LRCH4: variants seen among roughly 807,000 people sequenced by gnomAD.
LRCH4 encodes the protein leucine rich repeats and calponin homology domain containing 4.
LRCH4 carries 56 observed loss-of-function variants against 81.2 expected under a neutral mutation model. The ratio of observed to expected loss-of-function variants is 0.69; its 90% confidence interval spans 0.56 to 0.86. LRCH4 has a LOEUF of 0.86. LRCH4 is among the 40% of genes least tolerant of loss of function. The probability of loss-of-function intolerance (pLI) is 0.00; values close to 1 mark genes in which losing one functional copy is unlikely to be tolerated. For synonymous variants in LRCH4, 442 were observed against 409.7 expected (o/e 1.08, Z -0.95); for missense variants, 895 against 922.8 (o/e 0.97, Z 0.39).
Position 100,574,218 on chromosome 7 carries a change from G to T in LRCH4, c.*889C>A. On this transcript the variant is annotated 3_prime_UTR_variant, in exon 18 of 18. Transcript: ENST00000310300. The stretch of plus-strand genomic sequence containing the variant: ...GCGCGTCTTCTGCTCCCGGGGTCCC[G>T]GGCGGGGTGGGCCCTGTGCCCCCAC... 1 of 176,462 alleles carries T rather than the reference G, an allele frequency of 5.7e-6. No individual in the cohort carries two copies. Among genetic ancestry groups the T allele is most frequent in the South Asian group, 7.8e-5 (1 of 12,804 alleles). The allele number at this position is 176,462 out of a possible 1,614,324, so 10.9% of individuals were successfully genotyped here.
intron 3 of LRCH4, 50 bp downstream of exon 3, chr7:100,581,991 C>A: frequency 1.2e-6 from 2 of 1,600,358 alleles, no homozygotes; most frequent in Middle Eastern, 2.2e-4. Context: ...CCTAGAAGGT[C>A]CCGCTGCCTG....
At position 100,577,002 on chromosome 7, in the gene LRCH4, G is replaced by A. The variant is rs994361693; in HGVS notation, c.1368C>T (p.Gly456=). ...AAVSTQAMHN[G]SPKSSASQAG... The stretch of plus-strand genomic sequence containing the variant: ...CTTGGGAGGCACTGGACTTAGGCGA[G>A]CCGCTGAGGAGAGACAGAAGGGAAT... Residue 456 remains glycine (G), a synonymous_variant, in exon 13 of 18, where the codon GGC becomes GGT. Coordinates refer to ENST00000310300, the MANE Select transcript of LRCH4 (RefSeq NM_002319.5). This position sits in a 1 kb window ranked among gnomAD's most constrained non-coding sequence, Gnocchi z 6.7. 3.1e-6 allele frequency: 5 copies of A among 1,611,990 alleles called. No individual in the cohort carries two copies. The highest frequency in any genetic ancestry group is 1.3e-5 in the African/African-American group (1 of 74,894).
Position 100,578,664 on chromosome 7 carries a change from T to G in LRCH4, c.721A>C (p.Ser241Arg), listed in dbSNP as rs748777489. 1 of 1,613,956 alleles carries G rather than the reference T, an allele frequency of 6.2e-7. No homozygotes were observed. The highest frequency in any genetic ancestry group is 8.5e-7 in the Non-Finnish European group (1 of 1,179,900). The change falls in exon 5 of 18, where the codon AGT becomes CGT. Residue 241 changes from serine (S) to arginine (R), a missense_variant. Ser to Arg is a moderately radical substitution (Grantham distance 110). Coordinates refer to ENST00000310300, the MANE Select transcript of LRCH4 (RefSeq NM_002319.5). The surrounding 1 kb of genome is among the most constrained non-coding windows in gnomAD (Gnocchi z 5.7). ...VILLDSNPLQ[S>R]PPAQVCLKGK... ...ACCCGCCTCACCTGGGCAGGTGGACTCTGCAGAGGGTTGCTGTCCAGCAGA... is the reference window on the plus strand; with the variant it reads ...ACCCGCCTCACCTGGGCAGGTGGACGCTGCAGAGGGTTGCTGTCCAGCAGA...
chr7:100,581,534 G>A, intron 4 of LRCH4: 1 of 448,070 alleles, frequency 2.2e-6, no homozygotes. Flanking sequence ...GCCCCAGAGG[G>A]CTGTCTCTGC....
Position 100,574,962 on chromosome 7 carries a change from T to G in LRCH4, c.*145A>C. 3 of 744,986 alleles carry G rather than the reference T, an allele frequency of 4.0e-6. No homozygotes were observed. Among genetic ancestry groups the G allele is most frequent in the Non-Finnish European group, 6.4e-6 (3 of 470,560 alleles). The allele number at this position is 744,986 out of a possible 1,614,324, so 46.1% of individuals were successfully genotyped here. A position where few individuals can be genotyped will look rare whatever the true frequency, so the allele number is the denominator to read the frequency against. On this transcript the variant is annotated 3_prime_UTR_variant, in exon 18 of 18. Transcript: ENST00000310300. ...GGCCCAGGGTCTGGGGGCACCAGAG[T>G]GGGGCCTCTGAGGTCAGTGTCTGTG... is the stretch of plus-strand genomic sequence containing the variant.
Position 100,577,066 on chromosome 7 carries a change from GATGCTGGCAGGA to G in LRCH4, c.1364+8_1364+19del. The G allele has an allele frequency of 6.2e-7, 1 of 1,614,148 alleles. No homozygotes were observed. Among genetic ancestry groups the G allele is most frequent in the Non-Finnish European group, 8.5e-7 (1 of 1,180,008 alleles). ...GTCATAGGAAGAGGAGTGGGGAGGG[GATGCTGGCAGGA>G]AACCTACTTGTGCATGGCTTGAGTG... On this transcript the variant is annotated splice_region_variant and intron_variant, in intron 12 of 17. Coordinates refer to ENST00000310300, the MANE Select transcript of LRCH4 (RefSeq NM_002319.5). The surrounding 1 kb of genome is among the most constrained non-coding windows in gnomAD (Gnocchi z 6.7).
intron 14 of LRCH4, 30 bp from the exon 15 acceptor site, chr7:100,576,353 C>G: frequency 6.6e-7 from 1 of 1,510,302 alleles, no homozygotes; most frequent in Non-Finnish European, 9.2e-7. Context: ...ATGGGGCTGC[C>G]TCCACTGCTC....
chr7:100,578,643 G>C lies in LRCH4; in HGVS notation c.735+7C>G. The stretch of plus-strand genomic sequence containing the variant: ...TGTCCTCGTGGCCCCCCAGGCACCC[G>C]CCTCACCTGGGCAGGTGGACTCTGC... On this transcript the variant is annotated splice_region_variant and intron_variant, in intron 5 of 17. Transcript: ENST00000310300. This position sits in a 1 kb window ranked among gnomAD's most constrained non-coding sequence, Gnocchi z 5.7. 1 of 1,612,584 alleles carries C rather than the reference G, an allele frequency of 6.2e-7. No individual in the cohort carries two copies. The highest frequency in any genetic ancestry group is 8.5e-7 in the Non-Finnish European group (1 of 1,179,036).
rs750173842 is a variant in LRCH4 at position 100,576,335 on chromosome 7, AG to A, written c.1553-13del. On this transcript the variant is annotated splice_polypyrimidine_tract_variant and intron_variant, in intron 14 of 17. Coordinates refer to ENST00000310300, the MANE Select transcript of LRCH4 (RefSeq NM_002319.5). ...TGGTGAGGAAGGGCCTAGGAGAAAA[AG>A]GGGGGCATGGGGCTGCCTCCACTGC... 5.0e-6 allele frequency: 8 copies of A among 1,605,830 alleles called. No homozygotes were observed. Among genetic ancestry groups the A allele is most frequent in the African/African-American group, 1.3e-5 (1 of 74,820 alleles).
chr7:100,584,081 C>T, intron 1 of LRCH4: 1 of 452,012 alleles, frequency 2.2e-6, no homozygotes, highest in Non-Finnish European at 4.5e-6. Flanking sequence ...GACTAGGCGA[C>T]ACGCAGCGAA....
intron 4 of LRCH4, chr7:100,579,133 A>G (rs1477105589): frequency 3.1e-6 from 1 of 317,998 alleles, no homozygotes; most frequent in African/African-American, 2.1e-5. Flanking sequence ...AATGATCAGC[A>G]CAAGGCACAA....
chr7:100,576,357 A>G, intron 14 of LRCH4, 34 bp from the exon 15 acceptor site: 5 of 1,441,638 alleles, frequency 3.5e-6, no homozygotes, highest in East Asian at 2.3e-5. Flanking sequence ...GGCTGCCTCC[A>G]CTGCTCACCA....
chr7:100,575,984 G>C lies in LRCH4; in HGVS notation c.1663C>G (p.Pro555Ala), dbSNP rs1186364680. 1 of 1,606,270 alleles carries C rather than the reference G, an allele frequency of 6.2e-7. No homozygotes were observed. The highest frequency in any genetic ancestry group is 1.3e-5 in the African/African-American group (1 of 75,028). The change falls in exon 16 of 18, where the codon CCC becomes GCC. Residue 555 changes from proline (P) to alanine (A), a missense_variant. Pro to Ala is a conservative substitution (Grantham distance 27, BLOSUM62 -1). Transcript: ENST00000310300. The surrounding 1 kb of genome is among the most constrained non-coding windows in gnomAD (Gnocchi z 5.3). ...RQVLESRLQR[P>A]LPEDLAEALA... is the part of the protein sequence containing the mutation. ...GCCTCGGCCAGGTCCTCAGGCAGGGGCCGCTGCAGCCGGGACTCAAGGACC... is the reference window on the plus strand; with the variant it reads ...GCCTCGGCCAGGTCCTCAGGCAGGGCCCGCTGCAGCCGGGACTCAAGGACC...
Position 100,578,629 on chromosome 7 carries a change from C to T in LRCH4, c.735+21G>A, listed in dbSNP as rs763563687. The T allele has an allele frequency of 5.6e-6, 9 of 1,609,530 alleles. No homozygotes were observed. In the African/African-American group the frequency reaches 8.0e-5, roughly 14 times the overall value. ...CCTAGCCACACCCCTGTCCTCGTGGCCCCCCAGGCACCCGCCTCACCTGGG... is the reference window on the plus strand; with the variant it reads ...CCTAGCCACACCCCTGTCCTCGTGGTCCCCCAGGCACCCGCCTCACCTGGG... On this transcript the variant is annotated intron_variant, in intron 5 of 17. Transcript: ENST00000310300. This position sits in a 1 kb window ranked among gnomAD's most constrained non-coding sequence, Gnocchi z 5.7.
Position 100,574,997 on chromosome 7 carries a change from C to T in LRCH4, c.*110G>A, listed in dbSNP as rs1464959819. ...GAGGTCAGTGTCTGTGAAGGGGGTG[C>T]ACTAGTGTCTTTGGTTGGGGCTGAA... On this transcript the variant is annotated 3_prime_UTR_variant, in exon 18 of 18. Transcript: ENST00000310300. 4 of 1,019,252 alleles carry T rather than the reference C, an allele frequency of 3.9e-6. No homozygotes were observed. Among genetic ancestry groups the T allele is most frequent in the Non-Finnish European group, 5.7e-6 (4 of 700,552 alleles). 63.1% of individuals were successfully genotyped at this position (1,019,252 alleles called of 1,614,324 possible).
chr7:100,582,820 A>C lies in LRCH4; in HGVS notation c.221-361T>G, dbSNP rs1364371007. On this transcript the variant is annotated intron_variant, in intron 1 of 17. Coordinates refer to ENST00000310300, the MANE Select transcript of LRCH4 (RefSeq NM_002319.5). The surrounding 1 kb of genome is among the most constrained non-coding windows in gnomAD (Gnocchi z 5.0). ...AGGACCGAAGGTGAGAGGAGGGGTC[A>C]GTGCTCATGGGAAAACAGTAAGGCG... 6.6e-6 allele frequency among the ~76,000 whole-genome samples: 1 copy of C among 152,190 alleles called. No individual in the cohort carries two copies. Among genetic ancestry groups the C allele is most frequent in the African/African-American group, 2.4e-5 (1 of 41,440 alleles).
rs1326090720 is a variant in LRCH4 at position 100,585,929 on chromosome 7, G to T, written c.172C>A (p.Pro58Thr). 1 of 1,612,192 alleles carries T rather than the reference G, an allele frequency of 6.2e-7. No individual in the cohort carries two copies. Among genetic ancestry groups the T allele is most frequent in the South Asian group, 1.1e-5 (1 of 90,962 alleles). Residue 58 changes from proline to threonine, a missense_variant, in exon 1 of 18, where the codon CCC becomes ACC. Pro to Thr is a conservative substitution (Grantham distance 38). Transcript: ENST00000310300. ...NLSNRRLKHFPRGAARSYDLS... is the reference protein window; with the variant it reads ...NLSNRRLKHFTRGAARSYDLS... ...TCGTAGCTACGGGCCGCGCCCCGGG[G>T]GAAGTGCTTCAAGCGCCGGTTAGAC...
chr7:100,585,622 G>A (rs186674215), intron 1 of LRCH4, among the ~76,000 whole-genome samples: 137 of 152,176 alleles, frequency 9.0e-4, no homozygotes, highest in Middle Eastern at 6.8e-3. Flanking sequence ...CAGGTGCGCA[G>A]ATATGCAAAT....
intron 14 of LRCH4, 137 bp from the exon 15 acceptor site, chr7:100,576,460 C>G (rs1448140272): frequency 1.0e-5 from 7 of 686,044 alleles, no homozygotes; most frequent in Non-Finnish European, 1.8e-5. Context: ...GATGGGGTCT[C>G]GCTATGTTGC....
Sources: gnomAD v4.1 joint callset for allele counts (sites outside exome capture counted in the v4.1 genomes callset) on GRCh38, gnomAD v4.1.1 for gene constraint, Gnocchi (gnomAD v3.1) non-coding constraint, MANE v1.5 for transcripts, NCBI Gene and HGNC (gene_info 2026-07-23, HGNC 2026-07-21) for gene names.